OSBPL1A: variants seen among roughly 807,000 people sequenced by gnomAD.
The protein encoded by OSBPL1A is oxysterol binding protein like 1A.
Under a neutral mutation model 137.1 loss-of-function variants are expected in OSBPL1A, and 80 were observed. The ratio of observed to expected loss-of-function variants is 0.58; its 90% CI spans 0.49 to 0.70. The LOEUF (loss-of-function observed/expected upper bound fraction) is 0.70. Ranked by LOEUF, OSBPL1A falls within the 30% of genes least tolerant of loss-of-function variation. OSBPL1A has a pLI of 0.00. For missense variants in OSBPL1A, 970 were observed against 1,129.4 expected, an observed-to-expected ratio of 0.86 and a Z score of 2.02; for synonymous variants, 365 against 389.7, an observed-to-expected ratio of 0.94 and a Z score of 0.75.
At chr18:24,321,713 G>A (rs781485513) in intron 7 of OSBPL1A, 8 of 522,132 alleles carry the variant, frequency 1.5e-5, no homozygotes, top group Non-Finnish European at 2.4e-5. Flanking sequence ...TCCCAGAATT[G>A]GGAAAAGCTG....
intron 16 of OSBPL1A, among the ~76,000 whole-genome samples, chr18:24,226,469 G>A (rs1474468956): frequency 6.6e-6 from 1 of 152,150 alleles, no homozygotes; most frequent in Non-Finnish European, 1.5e-5. Flanking sequence ...CTTAAGCAGA[G>A]GACAAGCCAT....
intron 17 of OSBPL1A, among the ~76,000 whole-genome samples, chr18:24,204,126 G>A (rs988387468): frequency 6.6e-6 from 1 of 152,186 alleles, no homozygotes; most frequent in Non-Finnish European, 1.5e-5. Context: ...ACTGCTTTTG[G>A]AGAAGCTTTT....
At chr18:24,253,168 G>GGC (rs1555638401) in intron 15 of OSBPL1A, among the ~76,000 whole-genome samples, 2 of 120,248 alleles carry the variant, frequency 1.7e-5, no homozygotes, top group Admixed American at 8.1e-5. Flanking sequence ...AAGACATGGC[G>GGC]GGGGGGGGCG....
chr18:24,349,729 G>GAAAAAAAA (rs80193998), intron 4 of OSBPL1A, among the ~76,000 whole-genome samples: 1 of 65,780 alleles, frequency 1.5e-5, no homozygotes, highest in Non-Finnish European at 2.9e-5. Flanking sequence ...AAAGAAAAAA[G>GAAAAAAAA]AAAAAAAAAA....
rs1373711817 is a variant in OSBPL1A at position 24,167,401 on chromosome 18, A to T, written c.2463T>A (p.Ser821=). 3 of 1,614,246 alleles carry T rather than the reference A, an allele frequency of 1.9e-6. No individual in the cohort carries two copies. The highest frequency in any genetic ancestry group is 2.5e-6 in the Non-Finnish European group (3 of 1,180,042). Residue 821 remains serine, a synonymous_variant, in exon 25 of 28, where the codon TCT becomes TCA. Transcript: ENST00000319481. The part of the protein sequence containing the change: ...EELDEMPVPD[S]ESVFIIPGSV... Reference sequence around the variant, plus strand: ...TTCCAGGGATAATGAATACACTTTCAGAATCCGGCACTGGCATTTCATCCA... The same window carrying T: ...TTCCAGGGATAATGAATACACTTTCTGAATCCGGCACTGGCATTTCATCCA...
intron 14 of OSBPL1A, among the ~76,000 whole-genome samples, chr18:24,299,579 A>G (rs1283796487): frequency 2.6e-5 from 4 of 152,228 alleles, no homozygotes; most frequent in Admixed American, 2.6e-4. Context: ...GAGGTTAAAG[A>G]CAGGACCCCA....
intron 21 of OSBPL1A, among the ~76,000 whole-genome samples, chr18:24,177,326 C>T (rs935730198): frequency 2.0e-5 from 3 of 152,170 alleles, no homozygotes; most frequent in Non-Finnish European, 4.4e-5. Flanking sequence ...CTTTTTCGGT[C>T]GGCCTCTAAT....
intron 7 of OSBPL1A, among the ~76,000 whole-genome samples, chr18:24,323,276 G>C (rs2090900560): frequency 6.6e-6 from 1 of 151,878 alleles, no homozygotes; most frequent in African/African-American, 2.4e-5. Flanking sequence ...AAAGAGACTG[G>C]GCACCATGGC....
At chr18:24,256,877 A>T (rs1173681192) in intron 15 of OSBPL1A, among the ~76,000 whole-genome samples, 1 of 151,428 alleles carries the variant, frequency 6.6e-6, no homozygotes, top group African/African-American at 2.4e-5. Context: ...ACATAAAATT[A>T]AATACCTAGG....
chr18:24,286,238 A>T (rs965727880), intron 14 of OSBPL1A, among the ~76,000 whole-genome samples: 12 of 152,248 alleles, frequency 7.9e-5, no homozygotes, highest in Non-Finnish European at 1.5e-4. Context: ...CTCTCTTTTC[A>T]AAACAGGGAA....
chr18:24,299,305 A>G (rs1278459869), intron 14 of OSBPL1A, among the ~76,000 whole-genome samples: 1 of 151,518 alleles, frequency 6.6e-6, no homozygotes, highest in Non-Finnish European at 1.5e-5. Context: ...GTTTTTTTTC[A>G]TTGTGTTATT....
chr18:24,182,614 A>G (rs942838467), intron 18 of OSBPL1A, among the ~76,000 whole-genome samples: 1 of 152,250 alleles, frequency 6.6e-6, no homozygotes, highest in Non-Finnish European at 1.5e-5. Flanking sequence ...AAAGAAAATA[A>G]GCTCATTCAT....
At chr18:24,258,926 T>TC (rs2089366115) in intron 15 of OSBPL1A, among the ~76,000 whole-genome samples, 2 of 49,656 alleles carry the variant, frequency 4.0e-5, no homozygotes, top group Non-Finnish European at 9.7e-5. Context: ...AAATTACATC[T>TC]TTTTTTTTTT....
chr18:24,183,280 A>C (rs1318312429), intron 18 of OSBPL1A, among the ~76,000 whole-genome samples: 2 of 152,156 alleles, frequency 1.3e-5, no homozygotes, highest in Admixed American at 6.6e-5. Flanking sequence ...TTGAAATAAA[A>C]ACATGAAAAT....
chr18:24,317,305 G>A, intron 10 of OSBPL1A, 22 bp downstream of exon 10: 1 of 1,608,608 alleles, frequency 6.2e-7, no homozygotes, highest in East Asian at 2.2e-5. Flanking sequence ...AATTTGATAA[G>A]TGTAAAGATC....
At chr18:24,317,550 G>A (rs975262767) in intron 9 of OSBPL1A, 150 bp from the exon 10 acceptor site, 4 of 672,904 alleles carry the variant, frequency 5.9e-6, no homozygotes, top group Non-Finnish European at 1.1e-5. Context: ...ATGAACTTAG[G>A]TACTAAGTGC....
chr18:24,355,723 G>A (rs766468337), intron 4 of OSBPL1A, among the ~76,000 whole-genome samples: 1 of 151,972 alleles, frequency 6.6e-6, no homozygotes, highest in Non-Finnish European at 1.5e-5. Flanking sequence ...AGTGGCTCAC[G>A]CTTGTAAACC....
At chr18:24,229,139 T>C (rs991311595) in intron 16 of OSBPL1A, among the ~76,000 whole-genome samples, 5 of 151,980 alleles carry the variant, frequency 3.3e-5, no homozygotes, top group African/African-American at 1.2e-4. Context: ...GAGGTGGAGG[T>C]TGCAGTGAGC....
Position 24,384,226 on chromosome 18 carries a change from T to C in OSBPL1A, c.-2-6691A>G, listed in dbSNP as rs537542141. On this transcript the variant is annotated intron_variant, in intron 1 of 27. Coordinates refer to ENST00000319481, the MANE Select transcript of OSBPL1A (RefSeq NM_080597.4). ...AACATGAGTGAAGATGTGACTCTAT[T>C]TGGTTGTGGTGAATTTGAGATTCCT... Among the ~76,000 whole-genome samples the C allele has an allele frequency of 7.9e-5, 12 of 152,276 alleles. No individual in the cohort carries two copies. The South Asian group carries it at 2.5e-3, about 32-fold the overall frequency.
Sources: gnomAD v4.1 joint callset for allele counts (sites outside exome capture counted in the v4.1 genomes callset) on GRCh38, gnomAD v4.1.1 for gene constraint, MANE v1.5 for transcripts, NCBI Gene and HGNC (gene_info 2026-07-23, HGNC 2026-07-21) for gene names.